Variants in SLC30A7 observed in about 807,000 individuals in gnomAD.
The protein encoded by SLC30A7 is zinc transporter 7.
A neutral mutation model predicts 46.0 loss-of-function variants in SLC30A7; 35 were observed. The ratio of observed to expected loss-of-function variants is 0.76; its 90% CI spans 0.58 to 1.01. SLC30A7 has a LOEUF of 1.01. SLC30A7 is among the 50% of genes least tolerant of loss of function. The probability of loss-of-function intolerance (pLI) is 0.00; values close to 1 mark genes in which losing one functional copy is unlikely to be tolerated. For missense variants in SLC30A7, 464 were observed against 451.1 expected (o/e 1.03, Z -0.26); for synonymous variants, 147 against 157.8 (o/e 0.93, Z 0.51).
At chr1:100,928,605 T>C (rs572138446) in intron 8 of SLC30A7, among the ~76,000 whole-genome samples, 109 of 152,286 alleles carry the variant, frequency 7.2e-4, no homozygotes, top group African/African-American at 2.5e-3. Context: ...TTATTTTATT[T>C]TATTTTTCAT....
chr1:100,976,868 A>G lies in SLC30A7; in HGVS notation c.*2011A>G, dbSNP rs1009372343. ...GCAGGCAAAGTGGCATTTTCTAAAC[A>G]TGTTTGCTTACTGCCAGGTGGTTTG... On this transcript the variant is annotated 3_prime_UTR_variant, in exon 11 of 11. Coordinates refer to ENST00000357650, the MANE Select transcript of SLC30A7 (RefSeq NM_133496.5). 1 of 152,552 alleles carries G rather than the reference A, an allele frequency of 6.6e-6. No homozygotes were observed. Among genetic ancestry groups the G allele is most frequent in the Non-Finnish European group, 1.5e-5 (1 of 68,028 alleles). 9.4% of individuals were successfully genotyped at this position (152,552 alleles called of 1,614,324 possible).
chr1:100,932,107 G>GTTA (rs1653694293), intron 8 of SLC30A7, among the ~76,000 whole-genome samples: 5 of 152,126 alleles, frequency 3.3e-5, no homozygotes, highest in Admixed American at 2.0e-4. Flanking sequence ...TTTTAGAACG[G>GTTA]TTAGTCCCAT....
the SLC30A7 span, among the ~76,000 whole-genome samples, chr1:100,987,177 T>G: frequency 6.6e-6 from 1 of 152,190 alleles, no homozygotes; most frequent in Non-Finnish European, 1.5e-5. Context: ...TATCCTTGGT[T>G]TTCATCAGTT....
the SLC30A7 span, among the ~76,000 whole-genome samples, chr1:100,991,788 C>CAAAAAAAAAAAAAAAAA: frequency 4.9e-5 from 5 of 101,032 alleles, no homozygotes; most frequent in Non-Finnish European, 8.0e-5. Flanking sequence ...GACCCCATCT[C>CAAAAAAAAAAAAAAAAA]AAAAAAAAAA....
At chr1:100,946,518 C>G (rs1654645844) in intron 8 of SLC30A7, among the ~76,000 whole-genome samples, 1 of 152,064 alleles carries the variant, frequency 6.6e-6, no homozygotes, top group Non-Finnish European at 1.5e-5. Context: ...TTGTCAAAGG[C>G]CTTTTCTGCA....
intron 6 of SLC30A7, among the ~76,000 whole-genome samples, chr1:100,917,168 T>C (rs1395699999): frequency 1.3e-5 from 2 of 152,238 alleles, no homozygotes; most frequent in Non-Finnish European, 2.9e-5. Flanking sequence ...TTTGCTCACA[T>C]GCATCCCAAA....
downstream of SLC30A7, among the ~76,000 whole-genome samples, chr1:100,983,995 T>C (rs1657130506): frequency 6.6e-6 from 1 of 152,200 alleles, no homozygotes; most frequent in African/African-American, 2.4e-5. Context: ...TGAGCAATAA[T>C]TTGTACACAG....
chr1:100,993,267 T>C, the SLC30A7 span, among the ~76,000 whole-genome samples: 1 of 151,974 alleles, frequency 6.6e-6, no homozygotes, highest in Non-Finnish European at 1.5e-5. Context: ...ATATAGCCAT[T>C]GCAGGCCAGG....
intron 9 of SLC30A7, 74 bp from the exon 10 acceptor site, chr1:100,965,695 T>G: frequency 8.4e-7 from 1 of 1,189,884 alleles, no homozygotes; most frequent in Admixed American, 1.8e-5. Context: ...TTTACTGATA[T>G]GTTGCATAAT....
chr1:100,990,137 C>T, the SLC30A7 span: 41 of 421,246 alleles, frequency 9.7e-5, no homozygotes, highest in African/African-American at 5.4e-4. Context: ...TTAACAATCA[C>T]GGTGGAAGGC....
chr1:100,938,884 C>T (rs945105035), intron 8 of SLC30A7, among the ~76,000 whole-genome samples: 30 of 152,096 alleles, frequency 2.0e-4, no homozygotes, highest in African/African-American at 6.8e-4. Flanking sequence ...GGTACATGTG[C>T]AGGATTGTTA....
intron 6 of SLC30A7, among the ~76,000 whole-genome samples, chr1:100,916,704 CTTTTTTTTTTTT>C (rs33980397): frequency 1.3e-4 from 12 of 92,334 alleles, no homozygotes; most frequent in African/African-American, 4.2e-4. Flanking sequence ...TTCATTCATT[CTTTTTTTTTTTT>C]TTTTTTTTTT....
chr1:100,920,806 T>A (rs1652886543), intron 7 of SLC30A7, among the ~76,000 whole-genome samples: 1 of 152,062 alleles, frequency 6.6e-6, no homozygotes, highest in South Asian at 2.1e-4. Flanking sequence ...ATGCATTAAC[T>A]ATTTCTTTTC....
At chr1:100,941,687 A>G in intron 8 of SLC30A7, 1 of 640,502 alleles carries the variant, frequency 1.6e-6, no homozygotes, top group Non-Finnish European at 2.9e-6. Context: ...TCTTCTCTTG[A>G]GACAGCTCTC....
chr1:100,908,594 A>G (rs1651849233), intron 3 of SLC30A7, among the ~76,000 whole-genome samples: 2 of 152,194 alleles, frequency 1.3e-5, no homozygotes, highest in South Asian at 2.1e-4. Flanking sequence ...AGTAGATCCT[A>G]TATATCTATA....
chr1:100,978,582 C>G lies in SLC30A7; in HGVS notation c.*3725C>G, dbSNP rs1656712590. 1 of 152,072 alleles carries G rather than the reference C, an allele frequency of 6.6e-6. No individual in the cohort carries two copies. The highest frequency in any genetic ancestry group is 2.4e-5 in the African/African-American group (1 of 41,404). The allele number at this position is 152,072 out of a possible 1,614,324, so 9.4% of individuals were successfully genotyped here. A position where few individuals can be genotyped will look rare whatever the true frequency, so the allele number is the denominator to read the frequency against. ...GTCACAGAGAAAATTAGTGGCAAAG[C>G]CAAAAAGATTCAGATCTTCTGACTC... is the stretch of plus-strand genomic sequence containing the variant. On this transcript the variant is annotated 3_prime_UTR_variant, in exon 11 of 11. Transcript: ENST00000357650.
chr1:100,904,568 T>C (rs1421066437), intron 2 of SLC30A7, among the ~76,000 whole-genome samples: 1 of 152,320 alleles, frequency 6.6e-6, no homozygotes, highest in East Asian at 1.9e-4. Flanking sequence ...TTTTGAAATT[T>C]TTTTTATCAA....
At chr1:100,940,769 T>G (rs886826918) in intron 8 of SLC30A7, among the ~76,000 whole-genome samples, 6 of 152,258 alleles carry the variant, frequency 3.9e-5, no homozygotes, top group African/African-American at 1.4e-4. Flanking sequence ...TTCAGTGGAC[T>G]GTTTTACACT....
At chr1:100,896,776 C>T in intron 2 of SLC30A7, 105 bp downstream of exon 2, 1 of 900,098 alleles carries the variant, frequency 1.1e-6, no homozygotes, top group African/African-American at 1.6e-5. Flanking sequence ...CAGGTCCTAC[C>T]TTTGTTACCT....
Sources: allele counts gnomAD v4.1 joint callset (sites outside exome capture counted in the v4.1 genomes callset), GRCh38; gene constraint gnomAD v4.1.1; transcripts MANE v1.5; gene names NCBI Gene and HGNC (gene_info 2026-07-23, HGNC 2026-07-21).